The following ADGRL3 variants were observed in gnomAD, a reference collection of about 807,000 sequenced individuals.
ADGRL3 encodes the protein calcium-independent alpha-latrotoxin receptor 3.
In ADGRL3, 62 loss-of-function variants were observed where a neutral mutation model predicts 153.5. The observed-to-expected ratio is 0.40, with a 90% CI of 0.33 to 0.50. The LOEUF (loss-of-function observed/expected upper bound fraction) is 0.50, where lower values mean the gene tolerates loss of function less well. Ranked by LOEUF, ADGRL3 falls within the 20% of genes least tolerant of loss-of-function variation. The pLI is 0.47. For missense variants in ADGRL3, 1,641 were observed against 1,859.4 expected (o/e 0.88, Z 2.16); for synonymous variants, 710 against 672.5 (o/e 1.06, Z -0.86).
At chr4:61,839,972 TA>T (rs5858732) in intron 9 of ADGRL3, among the ~76,000 whole-genome samples, 55,209 of 145,906 alleles carry the variant, frequency 0.38, 12,562 homozygotes, top group East Asian at 0.75. Flanking sequence ...AAAAGGACAT[TA>T]AAAAAAAAAA....
At chr4:61,540,543 G>C (rs2098683704) in intron 4 of ADGRL3, among the ~76,000 whole-genome samples, 1 of 149,446 alleles carries the variant, frequency 6.7e-6, no homozygotes, top group African/African-American at 2.5e-5. Flanking sequence ...GCGAGACTCT[G>C]TCTCAACAAA....
chr4:62,041,573 G>A (rs1011266395), intron 24 of ADGRL3, among the ~76,000 whole-genome samples: 44 of 151,834 alleles, frequency 2.9e-4, no homozygotes, highest in African/African-American at 1.0e-3. Flanking sequence ...TTTAACCTCC[G>A]TAACCAATCC....
In ADGRL3 at chr4:61,718,410, G is replaced by A. The variant is rs367775234; in HGVS notation, c.584-12212G>A. 1.2e-4 allele frequency among the ~76,000 whole-genome samples: 19 copies of A among 152,256 alleles called. No homozygotes were observed. The East Asian group carries it at 1.9e-3, about 15-fold the overall frequency. ...TTTCACAGCAGTGAATGAAGCAGTCGTTAAACATATACAGGTTACTTTCTA... is the reference window on the plus strand; with the variant it reads ...TTTCACAGCAGTGAATGAAGCAGTCATTAAACATATACAGGTTACTTTCTA... On this transcript the variant is annotated intron_variant, in intron 6 of 26. Coordinates refer to ENST00000683033, the MANE Select transcript of ADGRL3 (RefSeq NM_001387552.1).
intron 9 of ADGRL3, among the ~76,000 whole-genome samples, chr4:61,816,395 G>A (rs1259076297): frequency 6.6e-6 from 1 of 152,134 alleles, no homozygotes; most frequent in Non-Finnish European, 1.5e-5. Flanking sequence ...CTAGGGTGAT[G>A]GTCACATGTC....
At chr4:61,468,304 T>C (rs1424627614) in intron 2 of ADGRL3, among the ~76,000 whole-genome samples, 3 of 152,158 alleles carry the variant, frequency 2.0e-5, no homozygotes, top group African/African-American at 4.8e-5. Flanking sequence ...AAATACCAGG[T>C]AGCTCAGCTT....
chr4:61,390,350 A>G (rs17238968), intron 2 of ADGRL3, among the ~76,000 whole-genome samples: 61,998 of 151,940 alleles, frequency 0.41, 13,744 homozygotes, highest in Non-Finnish European at 0.5. Context: ...AATCCACGGC[A>G]TTGAAAAAAT....
intron 2 of ADGRL3, among the ~76,000 whole-genome samples, chr4:61,430,043 C>T (rs1269082833): frequency 6.6e-6 from 1 of 152,122 alleles, no homozygotes; most frequent in Admixed American, 6.5e-5. Flanking sequence ...GCTTTATCTT[C>T]TAAAACATAG....
At chr4:61,404,542 A>G (rs1009175334) in intron 2 of ADGRL3, among the ~76,000 whole-genome samples, 8 of 152,052 alleles carry the variant, frequency 5.3e-5, no homozygotes, top group Non-Finnish European at 2.9e-5. Flanking sequence ...GTCATTGAGC[A>G]TTTCTTTATT....
chr4:61,476,383 T>C (rs917819721), intron 2 of ADGRL3, among the ~76,000 whole-genome samples: 6 of 151,792 alleles, frequency 4.0e-5, no homozygotes, highest in Non-Finnish European at 8.8e-5. Flanking sequence ...CACACCGCCA[T>C]GCCTGGCTAA....
rs140524596 is a variant in ADGRL3 at position 61,644,465 on chromosome 4, G to A, written c.474-32361G>A. ...TCCCTATACACACTGCTTTGAATGC[G>A]TCCCAGAGATTCTGGTATGTTGTGT... is the stretch of plus-strand genomic sequence containing the variant. On this transcript the variant is annotated intron_variant, in intron 5 of 26. Coordinates refer to ENST00000683033, the MANE Select transcript of ADGRL3 (RefSeq NM_001387552.1). Among the ~76,000 whole-genome samples the A allele has an allele frequency of 1.7e-3, 255 of 152,216 alleles. 2 individuals are homozygous for A. The highest frequency in any genetic ancestry group is 5.6e-3 in the African/African-American group (232 of 41,544).
intron 8 of ADGRL3, among the ~76,000 whole-genome samples, chr4:61,800,612 G>A (rs2097482885): frequency 6.6e-6 from 1 of 152,180 alleles, no homozygotes; most frequent in African/African-American, 2.4e-5. Context: ...TTTTGATAGG[G>A]AAGCTCTCCT....
At chr4:61,782,143 C>A (rs972626104) in intron 8 of ADGRL3, among the ~76,000 whole-genome samples, 1 of 152,114 alleles carries the variant, frequency 6.6e-6, no homozygotes, top group Non-Finnish European at 1.5e-5. Context: ...TTGATGAGCA[C>A]TACAGACAGA....
chr4:61,796,524 G>C (rs1561266689), intron 8 of ADGRL3, among the ~76,000 whole-genome samples: 1 of 152,170 alleles, frequency 6.6e-6, no homozygotes, highest in Non-Finnish European at 1.5e-5. Flanking sequence ...TGAGGGGATA[G>C]GGTTGGAGAA....
At chr4:61,849,505 A>G (rs1437705158) in intron 9 of ADGRL3, among the ~76,000 whole-genome samples, 1 of 151,592 alleles carries the variant, frequency 6.6e-6, no homozygotes, top group Non-Finnish European at 1.5e-5. Flanking sequence ...GTGGAATATG[A>G]TTCAAAAACT....
At position 62,073,933 on chromosome 4, in the gene ADGRL3, G is replaced by C. The variant is rs1191373094; in HGVS notation, c.*3025G>C. The C allele has an allele frequency of 6.6e-6, 1 of 151,840 alleles. No individual in the cohort carries two copies. The highest frequency in any genetic ancestry group is 6.6e-5 in the Admixed American group (1 of 15,226). The allele number at this position is 151,840 out of a possible 1,614,324, so 9.4% of individuals were successfully genotyped here. A position where few individuals can be genotyped will look rare whatever the true frequency, so the allele number is the denominator to read the frequency against. Reference sequence around the variant, plus strand: ...CCGTAATTAAAAAAAATGGATAAAGGAGCTAATTTTACATACATTTCAATA... The same window carrying C: ...CCGTAATTAAAAAAAATGGATAAAGCAGCTAATTTTACATACATTTCAATA... On this transcript the variant is annotated 3_prime_UTR_variant, in exon 27 of 27. Coordinates refer to ENST00000683033, the MANE Select transcript of ADGRL3 (RefSeq NM_001387552.1).
At chr4:61,577,132 G>A (rs1242924333) in intron 4 of ADGRL3, among the ~76,000 whole-genome samples, 1 of 150,198 alleles carries the variant, frequency 6.7e-6, no homozygotes, top group South Asian at 2.1e-4. Context: ...AAAGCTCTTT[G>A]TCCTTTCCAG....
intron 5 of ADGRL3, among the ~76,000 whole-genome samples, chr4:61,656,651 T>C (rs2094450560): frequency 6.6e-6 from 1 of 152,200 alleles, no homozygotes; most frequent in Non-Finnish European, 1.5e-5. Flanking sequence ...GTGTAAATTC[T>C]GGCAAGTTGA....
chr4:61,670,089 A>G (rs1237270394), intron 5 of ADGRL3, among the ~76,000 whole-genome samples: 1 of 152,114 alleles, frequency 6.6e-6, no homozygotes, highest in Non-Finnish European at 1.5e-5. Context: ...AGGTCAAGAG[A>G]TCGAGACCAT....
chr4:61,438,507 T>C (rs915764912), intron 2 of ADGRL3, among the ~76,000 whole-genome samples: 1 of 151,792 alleles, frequency 6.6e-6, no homozygotes, highest in African/African-American at 2.4e-5. Flanking sequence ...ACTTATTTTA[T>C]TTTTTATTTC....
Sources: gnomAD v4.1 joint callset for allele counts (sites outside exome capture counted in the v4.1 genomes callset) on GRCh38, gnomAD v4.1.1 for gene constraint, MANE v1.5 for transcripts, NCBI Gene and HGNC (gene_info 2026-07-23, HGNC 2026-07-21) for gene names.